Variants in SAMD5 observed in about 807,000 individuals in gnomAD.
SAMD5 encodes sterile alpha motif domain containing 5.
SAMD5 carries 13 observed loss-of-function variants against 11.3 expected under a neutral mutation model. The ratio of observed to expected loss-of-function variants is 1.15; its 90% CI spans 0.75 to 1.83. The LOEUF (loss-of-function observed/expected upper bound fraction) is 1.83, where lower values mean the gene tolerates loss of function less well. Among genes scored for constraint, SAMD5 ranks in the 40% most tolerant of loss-of-function variants. SAMD5 has a pLI of 0.00. For missense variants in SAMD5, 255 were observed against 239.1 expected (o/e 1.07, Z -0.44); for synonymous variants, 129 against 111.3 (o/e 1.16, Z -1.00).
chr6:147,614,080 A>G (rs985891806), intron 1 of SAMD5, among the ~76,000 whole-genome samples: 3 of 151,992 alleles, frequency 2.0e-5, no homozygotes, highest in Admixed American at 2.0e-4. Flanking sequence ...GAAAAGCCTG[A>G]TGGAGGAGAT....
intron 1 of SAMD5, among the ~76,000 whole-genome samples, chr6:147,532,994 C>T (rs963679560): frequency 1.3e-5 from 2 of 152,032 alleles, no homozygotes; most frequent in African/African-American, 4.8e-5. Flanking sequence ...AACTGAGATT[C>T]AGGGGAGTGG....
At chr6:147,610,431 T>C (rs186397364) in intron 1 of SAMD5, among the ~76,000 whole-genome samples, 17 of 152,292 alleles carry the variant, frequency 1.1e-4, no homozygotes, top group Admixed American at 3.3e-4. Flanking sequence ...TAAGCAGTGC[T>C]CCAGGGAGGT....
Position 147,617,398 on chromosome 6 carries a change from C to T in SAMD5, c.162+108011C>T, listed in dbSNP as rs374508792. ...AAAGTACCCGGAAAAAGCAACTTTT[C>T]TGATTCATTGGCCTTTGGAATTGTT... On this transcript the variant is annotated intron_variant, in intron 1 of 1. Transcript: ENST00000566741. Among the ~76,000 whole-genome samples the T allele has an allele frequency of 1.2e-3, 182 of 152,302 alleles. 1 individual carries two copies. Among genetic ancestry groups the T allele is most frequent in the African/African-American group, 4.2e-3 (173 of 41,560 alleles).
chr6:147,881,675 G>C, the SAMD5 span, among the ~76,000 whole-genome samples: 1 of 152,176 alleles, frequency 6.6e-6, no homozygotes, highest in African/African-American at 2.4e-5. Flanking sequence ...CAATTCGGCA[G>C]TGTCTGCTCC....
At chr6:147,517,494 G>T (rs1342812390) in intron 1 of SAMD5, among the ~76,000 whole-genome samples, 4 of 79,268 alleles carry the variant, frequency 5.0e-5, no homozygotes, top group African/African-American at 1.0e-4. Flanking sequence ...AATGATAGGG[G>T]TGTTTGATGA....
chr6:147,755,897 A>T, the SAMD5 span, among the ~76,000 whole-genome samples: 2 of 152,216 alleles, frequency 1.3e-5, no homozygotes, highest in Non-Finnish European at 2.9e-5. Context: ...GACTTCTAAA[A>T]TAACATTGAA....
At chr6:147,849,562 C>T in the SAMD5 span, among the ~76,000 whole-genome samples, 8 of 152,050 alleles carry the variant, frequency 5.3e-5, no homozygotes, top group South Asian at 2.1e-4. Context: ...GCTTAATGGA[C>T]GCTCAGCATT....
chr6:147,901,419 G>A, the SAMD5 span, among the ~76,000 whole-genome samples: 4 of 140,038 alleles, frequency 2.9e-5, no homozygotes, highest in East Asian at 8.0e-4. Flanking sequence ...ATGACAATTT[G>A]GTATGGTTAC....
intron 1 of SAMD5, among the ~76,000 whole-genome samples, chr6:147,537,208 A>C (rs577100296): frequency 1.3e-5 from 2 of 152,348 alleles, no homozygotes; most frequent in Admixed American, 6.5e-5. Flanking sequence ...AAAGAACGCT[A>C]AACGCCGTTT....
intron 1 of SAMD5, among the ~76,000 whole-genome samples, chr6:147,695,484 A>G (rs1007618421): frequency 6.6e-6 from 1 of 152,236 alleles, no homozygotes; most frequent in Non-Finnish European, 1.5e-5. Flanking sequence ...TAAGTGGATC[A>G]GGATATTAAA....
the SAMD5 span, among the ~76,000 whole-genome samples, chr6:147,928,127 C>CT: frequency 6.6e-6 from 1 of 151,982 alleles, no homozygotes; most frequent in Admixed American, 6.6e-5. Context: ...CTGATGTGTT[C>CT]TTTTTTTGGT....
intron 1 of SAMD5, among the ~76,000 whole-genome samples, chr6:147,633,210 A>C (rs17077116): frequency 0.079 from 12,028 of 152,264 alleles, 764 homozygotes; most frequent in African/African-American, 0.17. Context: ...TTCCAGAAGC[A>C]AAGTGCCCAG....
At chr6:147,754,801 C>T in the SAMD5 span, among the ~76,000 whole-genome samples, 2 of 152,076 alleles carry the variant, frequency 1.3e-5, no homozygotes, top group Admixed American at 1.3e-4. Context: ...TTCCCAGCAC[C>T]ATTTATTGAT....
intron 1 of SAMD5, chr6:147,730,297 G>T (rs1048985443): frequency 3.8e-5 from 13 of 341,096 alleles, no homozygotes; most frequent in African/African-American, 2.8e-4. Flanking sequence ...ATGTGTTGAG[G>T]GACTAAACAC....
intron 1 of SAMD5, among the ~76,000 whole-genome samples, chr6:147,657,764 G>C (rs1790592546): frequency 1.3e-5 from 2 of 152,130 alleles, no homozygotes; most frequent in South Asian, 4.1e-4. Flanking sequence ...GAAGCTCTCC[G>C]AAGTTTCTTT....
chr6:147,842,793 A>T, the SAMD5 span, among the ~76,000 whole-genome samples: 1 of 152,216 alleles, frequency 6.6e-6, no homozygotes, highest in Admixed American at 6.5e-5. Flanking sequence ...TGAAATAGGC[A>T]TTTGTGCCCA....
chr6:147,550,367 T>A (rs952276307), intron 1 of SAMD5, among the ~76,000 whole-genome samples: 10 of 152,156 alleles, frequency 6.6e-5, no homozygotes, highest in Admixed American at 1.3e-4. Flanking sequence ...TAATTAAAAA[T>A]AGAACTACCA....
At chr6:147,678,377 T>G (rs962059216) in intron 1 of SAMD5, among the ~76,000 whole-genome samples, 1 of 152,230 alleles carries the variant, frequency 6.6e-6, no homozygotes, top group Non-Finnish European at 1.5e-5. Context: ...TGTATTGAAT[T>G]TGATAGACTT....
chr6:147,576,652 A>G (rs1789221976), intron 1 of SAMD5, among the ~76,000 whole-genome samples: 1 of 152,250 alleles, frequency 6.6e-6, no homozygotes, highest in Admixed American at 6.5e-5. Flanking sequence ...CAATCCTTCT[A>G]GCAACCCAAT....
Sources: gnomAD v4.1 joint callset for allele counts (sites outside exome capture counted in the v4.1 genomes callset) on GRCh38, gnomAD v4.1.1 for gene constraint, MANE v1.5 for transcripts, NCBI Gene and HGNC (gene_info 2026-07-23, HGNC 2026-07-21) for gene names.